Variants in PLK4 observed in about 807,000 individuals in gnomAD.
The protein encoded by PLK4 is polo like kinase 4.
PLK4 carries 51 observed loss-of-function variants against 103.0 expected under a neutral mutation model. The ratio of observed to expected loss-of-function variants is 0.50; its 90% CI spans 0.40 to 0.63. The LOEUF (loss-of-function observed/expected upper bound fraction) is 0.63. Ranked by LOEUF, PLK4 falls within the 20% of genes least tolerant of loss-of-function variation. The probability of loss-of-function intolerance (pLI) is 0.00; values close to 1 mark genes in which losing one functional copy is unlikely to be tolerated. For missense variants in PLK4, 1,054 were observed against 1,151.0 expected (o/e 0.92, Z 1.22); for synonymous variants, 389 against 376.8 (o/e 1.03, Z -0.38).
chr4:127,898,936 A>G lies in PLK4; in HGVS notation c.*395A>G, dbSNP rs1378031587. 6.4e-6 allele frequency: 1 copy of G among 156,368 alleles called. No homozygotes were observed. Among genetic ancestry groups the G allele is most frequent in the Non-Finnish European group, 1.4e-5 (1 of 70,592 alleles). 9.7% of individuals were successfully genotyped at this position (156,368 alleles called of 1,614,324 possible). A position where few individuals can be genotyped will look rare whatever the true frequency, so the allele number is the denominator to read the frequency against. On this transcript the variant is annotated 3_prime_UTR_variant, in exon 16 of 16. Transcript: ENST00000270861. The stretch of plus-strand genomic sequence containing the variant: ...GGAATTTTGGAATTTTTGAAGATGT[A>G]AATAATGTGTATTTATGTTATAAGT...
At chr4:127,891,980 A>T (rs539179908) in intron 9 of PLK4, 19 of 217,520 alleles carry the variant, frequency 8.7e-5, no homozygotes, top group African/African-American at 4.3e-4. Context: ...TGTTAAAAAA[A>T]ATTCAACATT....
rs765377661 is a variant in PLK4, at chr4:127,891,120, G to T, written c.1859G>T (p.Cys620Phe). 1.3e-6 allele frequency: 2 copies of T among 1,588,308 alleles called. No homozygotes were observed. Among genetic ancestry groups the T allele is most frequent in the Admixed American group, 1.7e-5 (1 of 59,060 alleles). ...AGCATACTTGATTCAGAGGAGGTGTGTGTGGAGCTTGTAAAGGAGTATGCA... is the reference window on the plus strand; with the variant it reads ...AGCATACTTGATTCAGAGGAGGTGTTTGTGGAGCTTGTAAAGGAGTATGCA... The part of the protein sequence containing the change: ...VVSILDSEEV[C>F]VELVKEYASQ... The change falls in exon 8 of 16, where the codon TGT becomes TTT. Residue 620 changes from cysteine (C) to phenylalanine (F), a missense_variant. By Grantham distance (205) the Cys-to-Phe change is radical. This residue lies in a region of PLK4 where 680 missense variants were observed against 660.3 expected (regional missense o/e 1.03). Transcript: ENST00000270861.
chr4:127,887,552 C>T, intron 6 of PLK4, 56 bp downstream of exon 6: 1 of 972,138 alleles, frequency 1.0e-6, no homozygotes, highest in Non-Finnish European at 1.6e-6. Context: ...ACTTACCAAG[C>T]ATTGCAGTGT....
At position 127,881,046 on chromosome 4, in the gene PLK4, G is replaced by A. The variant is rs1199092153; in HGVS notation, c.-89G>A. The A allele has an allele frequency of 2.0e-6, 3 of 1,488,494 alleles. No homozygotes were observed. Among genetic ancestry groups the A allele is most frequent in the African/African-American group, 1.4e-5 (1 of 72,490 alleles). The allele number at this position is 1,488,494 out of a possible 1,614,324, so 92.2% of individuals were successfully genotyped here. A position where few individuals can be genotyped will look rare whatever the true frequency, so the allele number is the denominator to read the frequency against. On this transcript the variant is annotated 5_prime_UTR_variant, in exon 1 of 16. Transcript: ENST00000270861. ...GTTTAGAGAGCCGAGCCTGATGGGCGCCAAGGCCGGCTGGCTGCTTGGAGC... is the reference window on the plus strand; with the variant it reads ...GTTTAGAGAGCCGAGCCTGATGGGCACCAAGGCCGGCTGGCTGCTTGGAGC...
rs113372119 is a variant in PLK4 at position 127,887,779 on chromosome 4, G to A, written c.1459+283G>A. ...AGTCCCAGCTACTTGAGAAGCTGAGGCAGGAGGATTGCCTGAGCTCAGGAG... is the reference window on the plus strand; with the variant it reads ...AGTCCCAGCTACTTGAGAAGCTGAGACAGGAGGATTGCCTGAGCTCAGGAG... On this transcript the variant is annotated intron_variant, in intron 6 of 15. Coordinates refer to ENST00000270861, the MANE Select transcript of PLK4 (RefSeq NM_014264.5). Among the ~76,000 whole-genome samples, 642 of 150,662 alleles carry A rather than the reference G, an allele frequency of 4.3e-3. 8 individuals carry two copies. Among genetic ancestry groups the A allele is most frequent in the African/African-American group, 0.015 (613 of 40,926 alleles).
intron 10 of PLK4, 172 bp downstream of exon 10, chr4:127,892,686 A>G (rs1005852971): frequency 4.5e-5 from 23 of 509,572 alleles, no homozygotes; most frequent in Admixed American, 1.2e-4. Flanking sequence ...ATCAAAATTT[A>G]TCTAGCCTTC....
At chr4:127,897,803 T>G (rs1735623014) in intron 15 of PLK4, among the ~76,000 whole-genome samples, 1 of 150,402 alleles carries the variant, frequency 6.6e-6, no homozygotes, top group African/African-American at 2.4e-5. Context: ...TTTAGCTTGG[T>G]ATTTTTCTGT....
At chr4:127,888,250 A>G (rs1230623164) in intron 6 of PLK4, among the ~76,000 whole-genome samples, 5 of 148,106 alleles carry the variant, frequency 3.4e-5, no homozygotes. Flanking sequence ...CTGTTACAAT[A>G]TTTGAATATT....
rs372101886 is a variant in PLK4, at chr4:127,891,569, C to G, written c.1936-10C>G. 55 of 1,351,098 alleles carry G rather than the reference C, an allele frequency of 4.1e-5. 2 individuals carry two copies. The highest frequency in any genetic ancestry group is 3.4e-4 in the South Asian group (22 of 65,524). The allele number at this position is 1,351,098 out of a possible 1,614,324, so 83.7% of individuals were successfully genotyped here. A position where few individuals can be genotyped will look rare whatever the true frequency, so the allele number is the denominator to read the frequency against. On this transcript the variant is annotated splice_polypyrimidine_tract_variant and intron_variant, in intron 8 of 15. Coordinates refer to ENST00000270861, the MANE Select transcript of PLK4 (RefSeq NM_014264.5). ...CATGTAATTAGAATTTTAAAAAAATCTTTTGGCAGATCACTATTTATTATC... is the reference window on the plus strand; with the variant it reads ...CATGTAATTAGAATTTTAAAAAAATGTTTTGGCAGATCACTATTTATTATC...
intron 13 of PLK4, 62 bp downstream of exon 13, chr4:127,893,943 T>G: frequency 1.1e-6 from 1 of 905,592 alleles, no homozygotes; most frequent in Non-Finnish European, 1.8e-6. Context: ...ATGCCCTTCT[T>G]GTAAAATAGT....
chr4:127,882,730 C>G (rs1734976445), intron 2 of PLK4, among the ~76,000 whole-genome samples: 1 of 152,026 alleles, frequency 6.6e-6, no homozygotes, highest in South Asian at 2.1e-4. Context: ...TGCACTCCAG[C>G]CCAGGCAACA....
At chr4:127,892,942 A>G (rs1392955974) in intron 10 of PLK4, among the ~76,000 whole-genome samples, 1 of 152,090 alleles carries the variant, frequency 6.6e-6, no homozygotes, top group Non-Finnish European at 1.5e-5. Context: ...TTCTATAAAG[A>G]TGAACTATTT....
chr4:127,883,651 G>A, intron 4 of PLK4, 98 bp downstream of exon 4: 1 of 536,940 alleles, frequency 1.9e-6, no homozygotes, highest in Non-Finnish European at 3.3e-6. Context: ...ATAATATATA[G>A]TAAAACTGTT....
At chr4:127,881,663 G>A (rs1734933106) in intron 1 of PLK4, among the ~76,000 whole-genome samples, 168 bp from the exon 2 acceptor site, 1 of 152,116 alleles carries the variant, frequency 6.6e-6, no homozygotes, top group Admixed American at 6.5e-5. Flanking sequence ...ATCCCCGCAC[G>A]GAGTCAACAT....
At chr4:127,895,327 TA>T (rs1446870556) in intron 14 of PLK4, among the ~76,000 whole-genome samples, 1 of 152,130 alleles carries the variant, frequency 6.6e-6, no homozygotes, top group Non-Finnish European at 1.5e-5. Flanking sequence ...TTGGGTGACC[TA>T]CTTTTGCCAT....
chr4:127,886,543 A>T lies in PLK4; in HGVS notation c.1173A>T (p.Ala391=), dbSNP rs1312000098. The change falls in exon 5 of 16, where the codon GCA becomes GCT. Residue 391 remains alanine, a synonymous_variant. Transcript: ENST00000270861. Reference sequence around the variant, plus strand: ...GCACTTCTAATAGTCAGTCTCAAGCAAAAACATATACAATGGAACGATGTC... The same window carrying T: ...GCACTTCTAATAGTCAGTCTCAAGCTAAAACATATACAATGGAACGATGTC... The part of the protein sequence containing the change: ...RSGTSNSQSQ[A]KTYTMERCHS... 6.2e-7 allele frequency: 1 copy of T among 1,614,068 alleles called. No individual in the cohort carries two copies. The highest frequency in any genetic ancestry group is 1.1e-5 in the South Asian group (1 of 91,072).
At chr4:127,897,568 C>T (rs925653722) in intron 15 of PLK4, among the ~76,000 whole-genome samples, 1 of 152,112 alleles carries the variant, frequency 6.6e-6, no homozygotes, top group Non-Finnish European at 1.5e-5. Context: ...TAGATACCTA[C>T]CAACTGCATT....
chr4:127,891,133 A>G lies in PLK4; in HGVS notation c.1872A>G (p.Val624=). 1 of 1,599,696 alleles carries G rather than the reference A, an allele frequency of 6.3e-7. No homozygotes were observed. The highest frequency in any genetic ancestry group is 2.2e-5 in the East Asian group (1 of 44,568). Residue 624 remains valine, a synonymous_variant, in exon 8 of 16, where the codon GTA becomes GTG. Coordinates refer to ENST00000270861, the MANE Select transcript of PLK4 (RefSeq NM_014264.5). The part of the protein sequence containing the change: ...LDSEEVCVEL[V]KEYASQEYVK... Reference sequence around the variant, plus strand: ...CAGAGGAGGTGTGTGTGGAGCTTGTAAAGGAGTATGCATCTCAAGAATATG... The same window carrying G: ...CAGAGGAGGTGTGTGTGGAGCTTGTGAAGGAGTATGCATCTCAAGAATATG...
rs952469702 is a variant in PLK4, at chr4:127,887,303, A to C, written c.1359-93A>C. ...TTATTCTAAAATGTTCAGGTATTCA[A>C]ATCAGAAGAAATCCTTCTCTAATAT... On this transcript the variant is annotated intron_variant, in intron 5 of 15. Transcript: ENST00000270861. 2.8e-5 allele frequency: 19 copies of C among 687,156 alleles called. No homozygotes were observed. In the East Asian group the frequency reaches 4.6e-4, roughly 17 times the overall value. The allele number at this position is 687,156 out of a possible 1,614,324, so 42.6% of individuals were successfully genotyped here.
Sources: gnomAD v4.1 joint callset for allele counts (sites outside exome capture counted in the v4.1 genomes callset) on GRCh38, gnomAD v4.1.1 for gene constraint, gnomAD v4.1.1 regional missense constraint, MANE v1.5 for transcripts, NCBI Gene and HGNC (gene_info 2026-07-23, HGNC 2026-07-21) for gene names.